The following GAPVD1 variants were observed in gnomAD, a reference collection of about 807,000 sequenced individuals.
The protein encoded by GAPVD1 is GTPase activating protein and VPS9 domains 1, also known as GTPase-activating protein and VPS9 domain-containing protein 1.
GAPVD1 carries 35 observed loss-of-function variants against 155.5 expected under a neutral mutation model. The ratio of observed to expected loss-of-function variants is 0.23; its 90% confidence interval spans 0.17 to 0.30. The LOEUF (loss-of-function observed/expected upper bound fraction) is 0.30, where lower values mean the gene tolerates loss of function less well. Among genes scored for constraint, GAPVD1 ranks in the 10% least tolerant of loss-of-function variants. The probability of loss-of-function intolerance (pLI) is 1.00; values close to 1 mark genes in which losing one functional copy is unlikely to be tolerated. For synonymous variants in GAPVD1, 636 were observed against 619.7 expected (o/e 1.03, Z -0.39); for missense variants, 1,429 against 1,775.7 (o/e 0.80, Z 3.51).
intron 1 of GAPVD1, among the ~76,000 whole-genome samples, chr9:125,264,574 A>G (rs887437915): frequency 3.3e-5 from 5 of 152,186 alleles, no homozygotes; most frequent in Non-Finnish European, 7.3e-5. Flanking sequence ...TCGGAAGAAG[A>G]AAGAAAAGTG....
At chr9:125,285,148 C>T (rs1320222466) in intron 2 of GAPVD1, among the ~76,000 whole-genome samples, 1 of 152,202 alleles carries the variant, frequency 6.6e-6, no homozygotes, top group Admixed American at 6.5e-5. Flanking sequence ...GGCAACTATT[C>T]AGCTCTGCCA....
intron 2 of GAPVD1, among the ~76,000 whole-genome samples, chr9:125,293,872 A>AATATATTT (rs1564311645): frequency 6.8e-5 from 1 of 14,620 alleles, no homozygotes; most frequent in African/African-American, 3.6e-4. Context: ...ATATATATAT[A>AATATATTT]TATATATATA....
intron 8 of GAPVD1, among the ~76,000 whole-genome samples, chr9:125,311,577 C>T (rs1418828833): frequency 2.6e-5 from 4 of 152,168 alleles, no homozygotes; most frequent in Non-Finnish European, 4.4e-5. Flanking sequence ...GCCGAGACTG[C>T]GCCATTGCAC....
intron 12 of GAPVD1, among the ~76,000 whole-genome samples, chr9:125,328,490 CAT>C (rs1464098168): frequency 2.2e-5 from 3 of 137,874 alleles, no homozygotes; most frequent in African/African-American, 8.7e-5. Flanking sequence ...GGACACAGCA[CAT>C]GTTTCAGAGA....
At chr9:125,347,316 A>C (rs906818749) in intron 20 of GAPVD1, among the ~76,000 whole-genome samples, 3 of 152,224 alleles carry the variant, frequency 2.0e-5, no homozygotes, top group African/African-American at 7.2e-5. Flanking sequence ...CAAGTTATCC[A>C]TTGTCACCTG....
At chr9:125,361,448 T>C (rs1294499169) in intron 27 of GAPVD1, among the ~76,000 whole-genome samples, 6 of 151,472 alleles carry the variant, frequency 4.0e-5, no homozygotes, top group Non-Finnish European at 8.8e-5. Flanking sequence ...CACTTGAACC[T>C]GGGCAGCAGA....
chr9:125,332,447 T>C, intron 14 of GAPVD1, 63 bp from the exon 15 acceptor site: 14 of 1,344,452 alleles, frequency 1.0e-5, no homozygotes, highest in Non-Finnish European at 1.3e-5. Context: ...CCAAATTTCA[T>C]ATACTTTTTG....
At chr9:125,300,168 G>A (rs1416084025) in intron 4 of GAPVD1, among the ~76,000 whole-genome samples, 10 of 133,638 alleles carry the variant, frequency 7.5e-5, no homozygotes, top group Non-Finnish European at 1.3e-4. Flanking sequence ...TAATACCTAC[G>A]AAGAACATTT....
At chr9:125,327,115 A>G (rs1314926595) in intron 12 of GAPVD1, among the ~76,000 whole-genome samples, 1 of 151,468 alleles carries the variant, frequency 6.6e-6, no homozygotes, top group Non-Finnish European at 1.5e-5. Flanking sequence ...ATTTTTATTT[A>G]TTTTCAAATA....
chr9:125,324,732 G>C (rs10986703), intron 11 of GAPVD1, among the ~76,000 whole-genome samples: 1,965 of 152,236 alleles, frequency 0.013, 101 homozygotes, highest in East Asian at 0.088. Context: ...GGAAGCCATA[G>C]TACTTTTTCA....
intron 12 of GAPVD1, among the ~76,000 whole-genome samples, chr9:125,329,306 C>G (rs1845736469): frequency 6.6e-6 from 1 of 152,152 alleles, no homozygotes; most frequent in African/African-American, 2.4e-5. Context: ...TGAATAGTGA[C>G]TAATATGCTG....
At chr9:125,357,984 AAAACACACAC>A (rs1192814103) in intron 25 of GAPVD1, among the ~76,000 whole-genome samples, 1 of 151,040 alleles carries the variant, frequency 6.6e-6, no homozygotes, top group Non-Finnish European at 1.5e-5. Context: ...TTAAAAAAAA[AAAACACACAC>A]ACACACACAC....
chr9:125,341,405 GTTCC>G, intron 18 of GAPVD1, 141 bp downstream of exon 18: 3 of 581,246 alleles, frequency 5.2e-6, no homozygotes, highest in Admixed American at 3.3e-5. Flanking sequence ...GTAGAAAGTG[GTTCC>G]ACTCAGATGA....
At chr9:125,267,794 A>G (rs187149181) in intron 1 of GAPVD1, among the ~76,000 whole-genome samples, 14 of 152,254 alleles carry the variant, frequency 9.2e-5, no homozygotes, top group Middle Eastern at 3.4e-3. Context: ...GGCTCAAGCA[A>G]TCCTCCCACC....
At chr9:125,317,317 C>CAA (rs942834340) in intron 9 of GAPVD1, among the ~76,000 whole-genome samples, 6 of 116,134 alleles carry the variant, frequency 5.2e-5, no homozygotes, top group Non-Finnish European at 1.1e-4. Context: ...GACTCTGTCT[C>CAA]AAAAAAAAAA....
At chr9:125,295,991 T>A (rs1839787157) in intron 3 of GAPVD1, among the ~76,000 whole-genome samples, 1 of 152,158 alleles carries the variant, frequency 6.6e-6, no homozygotes, top group Admixed American at 6.6e-5. Context: ...TTCTAAAGTA[T>A]TTTACCCCAT....
chr9:125,298,970 C>T lies in GAPVD1; in HGVS notation c.49C>T (p.Arg17Cys), dbSNP rs539624483. ...TCTGGCTCATCACCTCAAGCAGGAA[C>T]GCTTATATGTAAACTCTGAGAAACA... ...HTLAHHLKQE[R>C]LYVNSEKQLI... The change falls in exon 4 of 28, where the codon CGC (arginine) becomes TGC (cysteine). Residue 17 changes from arginine to cysteine, a missense_variant. Coordinates refer to ENST00000297933, the MANE Select transcript of GAPVD1 (RefSeq NM_001282680.3). 8.7e-6 allele frequency: 14 copies of T among 1,611,634 alleles called. No homozygotes were observed. Among genetic ancestry groups the T allele is most frequent in the East Asian group, 6.7e-5 (3 of 44,852 alleles).
chr9:125,335,278 C>G (rs1846724021), intron 15 of GAPVD1: 1 of 656,384 alleles, frequency 1.5e-6, no homozygotes, highest in South Asian at 1.9e-5. Context: ...AAAATACTTG[C>G]AAAAAATGTG....
Position 125,307,774 on chromosome 9 carries a change from C to T in GAPVD1, c.1335C>T (p.Pro445=), listed in dbSNP as rs1342685012. The change falls in exon 8 of 28, where the codon CCC becomes CCT. Residue 445 remains proline (P), a synonymous_variant. Transcript: ENST00000297933. ...MALDNLLANL[P]PAKPGKSSSL... ...TTGACAATTTATTGGCAAACCTACC[C>T]CCGGCCAAGCCAGGAAAAAGTAGCA... 3 of 1,613,718 alleles carry T rather than the reference C, an allele frequency of 1.9e-6. No homozygotes were observed. The highest frequency in any genetic ancestry group is 2.5e-6 in the Non-Finnish European group (3 of 1,179,680).
Sources: gnomAD v4.1 joint callset for allele counts (sites outside exome capture counted in the v4.1 genomes callset) on GRCh38, gnomAD v4.1.1 for gene constraint, MANE v1.5 for transcripts, NCBI Gene and HGNC (gene_info 2026-07-23, HGNC 2026-07-21) for gene names.